The following CCSER2 variants were observed in gnomAD, a reference collection of about 807,000 sequenced individuals.
CCSER2 encodes the protein serine-rich coiled-coil domain-containing protein 2.
In CCSER2, 46 loss-of-function variants were observed where a neutral mutation model predicts 92.3. That is an observed-to-expected ratio of 0.50 (90% confidence interval 0.39 to 0.64). The LOEUF is 0.64. Ranked by LOEUF, CCSER2 falls within the 30% of genes least tolerant of loss-of-function variation. The pLI is 0.00. For missense variants in CCSER2, 1,244 were observed against 1,238.9 expected, an observed-to-expected ratio of 1.00 and a Z score of -0.06; for synonymous variants, 433 against 431.4, an observed-to-expected ratio of 1.00 and a Z score of -0.04.
intron 1 of CCSER2, among the ~76,000 whole-genome samples, chr10:84,356,365 T>C (rs1418631399): frequency 6.6e-6 from 1 of 152,200 alleles, no homozygotes; most frequent in Non-Finnish European, 1.5e-5. Context: ...TTTTTACTTT[T>C]AAAAAATGTT....
At chr10:84,443,385 T>G (rs1844699896) in intron 6 of CCSER2, among the ~76,000 whole-genome samples, 1 of 151,896 alleles carries the variant, frequency 6.6e-6, no homozygotes, top group Non-Finnish European at 1.5e-5. Context: ...CCAACAAACA[T>G]GAAAAAAAGC....
At chr10:84,493,756 T>G (rs1268395077) in intron 9 of CCSER2, among the ~76,000 whole-genome samples, 1 of 152,180 alleles carries the variant, frequency 6.6e-6, no homozygotes, top group Non-Finnish European at 1.5e-5. Context: ...GGGAGCAGTG[T>G]GGATGGTTTC....
chr10:84,388,373 A>T (rs576142190), intron 3 of CCSER2, among the ~76,000 whole-genome samples: 1 of 152,142 alleles, frequency 6.6e-6, no homozygotes, highest in Non-Finnish European at 1.5e-5. Flanking sequence ...CTGTGAATAC[A>T]TAGCCTTTTT....
intron 1 of CCSER2, among the ~76,000 whole-genome samples, chr10:84,359,578 G>A (rs887126562): frequency 3.3e-5 from 5 of 152,074 alleles, no homozygotes; most frequent in African/African-American, 1.2e-4. Flanking sequence ...GCCTTGGTCA[G>A]GGTAGTTAGA....
Position 84,457,031 on chromosome 10 carries a change from G to T in CCSER2, c.2065-6902G>T, listed in dbSNP as rs1845665641. On this transcript the variant is annotated intron_variant, in intron 6 of 9. Coordinates refer to ENST00000372088, the MANE Select transcript of CCSER2 (RefSeq NM_001284240.2). Reference sequence around the variant, plus strand: ...TTTTTAAAAATGGGACTAGCTTTTTGGGCAACTATGTACAATTGTGAGGTA... The same window carrying T: ...TTTTTAAAAATGGGACTAGCTTTTTTGGCAACTATGTACAATTGTGAGGTA... 8.0e-5 allele frequency among the ~76,000 whole-genome samples: 12 copies of T among 149,766 alleles called. 1 individual carries two copies. In the South Asian group the frequency reaches 2.5e-3, roughly 31 times the overall value.
At chr10:84,431,732 C>G (rs1050861419) in intron 5 of CCSER2, among the ~76,000 whole-genome samples, 1 of 152,078 alleles carries the variant, frequency 6.6e-6, no homozygotes, top group African/African-American at 2.4e-5. Context: ...GAGAGAGACC[C>G]TGTCTCAAAA....
rs560393305 is a variant in CCSER2 at position 84,381,997 on chromosome 10, G to T, written c.1614+8182G>T. 7.9e-5 allele frequency among the ~76,000 whole-genome samples: 12 copies of T among 151,906 alleles called. 1 individual carries two copies. In the South Asian group the frequency reaches 2.5e-3, roughly 32 times the overall value. On this transcript the variant is annotated intron_variant, in intron 3 of 9. Transcript: ENST00000372088. ...GCATGTATTGTCACAACTGGTTGCT[G>T]GAGGTATTAAGCACATCCTGTGTAA...
chr10:84,387,117 T>G (rs1161175851), intron 3 of CCSER2, among the ~76,000 whole-genome samples: 2 of 152,228 alleles, frequency 1.3e-5, no homozygotes, highest in Non-Finnish European at 2.9e-5. Flanking sequence ...AGGGCCTTTT[T>G]CATACTACTG....
Position 84,463,506 on chromosome 10 carries a change from C to G in CCSER2, c.2065-427C>G, listed in dbSNP as rs368992415. Among the ~76,000 whole-genome samples, 14 of 152,240 alleles carry G rather than the reference C, an allele frequency of 9.2e-5. No individual in the cohort carries two copies. In the East Asian group the frequency reaches 2.5e-3, roughly 27 times the overall value. On this transcript the variant is annotated intron_variant, in intron 6 of 9. Transcript: ENST00000372088. ...AGTATTTTTAATTCAGTTATTTTTG[C>G]TGCTAAGCCTTACTGGGTTACTTAA... is the stretch of plus-strand genomic sequence containing the variant.
intron 6 of CCSER2, among the ~76,000 whole-genome samples, chr10:84,453,156 T>C (rs909318332): frequency 1.8e-5 from 2 of 113,872 alleles, no homozygotes; most frequent in Admixed American, 1.1e-4. Context: ...TTTTATTTCA[T>C]TTTTTTTTTC....
intron 5 of CCSER2, among the ~76,000 whole-genome samples, chr10:84,428,985 GTA>G (rs60243946): frequency 0.076 from 10,676 of 140,702 alleles, 397 homozygotes; most frequent in South Asian, 0.096. Context: ...GTGTGTATGT[GTA>G]TATATATATA....
At chr10:84,434,622 A>G (rs1184434480) in intron 5 of CCSER2, among the ~76,000 whole-genome samples, 1 of 152,204 alleles carries the variant, frequency 6.6e-6, no homozygotes, top group African/African-American at 2.4e-5. Context: ...TGATACTTCT[A>G]TTTCAAGAAA....
At chr10:84,463,876 C>T (rs1354404243) in intron 6 of CCSER2, 57 bp from the exon 7 acceptor site, 1 of 1,197,824 alleles carries the variant, frequency 8.3e-7, no homozygotes, top group Non-Finnish European at 1.2e-6. Context: ...TCAGGTTGAA[C>T]TGAATGTCCA....
At chr10:84,448,283 G>A (rs1845054182) in intron 6 of CCSER2, among the ~76,000 whole-genome samples, 1 of 151,992 alleles carries the variant, frequency 6.6e-6, no homozygotes, top group African/African-American at 2.4e-5. Context: ...ACTCTTCTTT[G>A]ACTCTGATAG....
intron 9 of CCSER2, among the ~76,000 whole-genome samples, chr10:84,507,819 C>A (rs1183658400): frequency 1.3e-5 from 2 of 152,090 alleles, no homozygotes; most frequent in Non-Finnish European, 2.9e-5. Flanking sequence ...TATGTTTCCC[C>A]CAATGGGTCA....
intron 9 of CCSER2, among the ~76,000 whole-genome samples, chr10:84,479,903 A>C (rs1847360155): frequency 6.6e-6 from 1 of 152,194 alleles, no homozygotes; most frequent in Admixed American, 6.5e-5. Flanking sequence ...AAGGGAGGAC[A>C]GAGGCTTAAT....
intron 6 of CCSER2, among the ~76,000 whole-genome samples, chr10:84,446,858 A>G (rs1006684402): frequency 1.3e-5 from 2 of 152,134 alleles, no homozygotes; most frequent in East Asian, 1.9e-4. Context: ...TATAAGTGAA[A>G]TTATAATGTG....
chr10:84,371,128 A>G lies in CCSER2; in HGVS notation c.76A>G (p.Thr26Ala). 1 of 1,613,020 alleles carries G rather than the reference A, an allele frequency of 6.2e-7. No individual in the cohort carries two copies. The highest frequency in any genetic ancestry group is 1.7e-4 in the Middle Eastern group (1 of 6,052). Residue 26 changes from threonine to alanine, a missense_variant, in exon 2 of 10, where the codon ACA becomes GCA. Thr to Ala is a moderately conservative substitution (Grantham distance 58). Transcript: ENST00000372088. ...GTATGGAACAAAATCTGTAAGAAGT[A>G]CATTGCAGCCAATGCCAAATGGGAC... is the stretch of plus-strand genomic sequence containing the variant. ...PKYGTKSVRS[T>A]LQPMPNGTPV...
chr10:84,350,975 C>A (rs985196165), intron 1 of CCSER2, among the ~76,000 whole-genome samples: 2 of 152,144 alleles, frequency 1.3e-5, no homozygotes, highest in African/African-American at 4.8e-5. Context: ...AATCTTTGGT[C>A]CAGTCATCTG....
Sources: gnomAD v4.1 joint callset for allele counts (sites outside exome capture counted in the v4.1 genomes callset) on GRCh38, gnomAD v4.1.1 for gene constraint, MANE v1.5 for transcripts, NCBI Gene and HGNC (gene_info 2026-07-23, HGNC 2026-07-21) for gene names.